Variants in SLC39A11 observed in about 807,000 individuals in gnomAD.
SLC39A11 encodes the protein zinc transporter ZIP11.
A neutral mutation model predicts 36.1 loss-of-function variants in SLC39A11; 33 were observed. The ratio of observed to expected loss-of-function variants is 0.91; its 90% CI spans 0.69 to 1.22. SLC39A11 has a LOEUF of 1.22. SLC39A11 is among the 50% of genes most tolerant of loss of function. The probability of loss-of-function intolerance (pLI) is 0.00; values close to 1 mark genes in which losing one functional copy is unlikely to be tolerated. For missense variants in SLC39A11, 432 were observed against 430.3 expected (o/e 1.00, Z -0.03); for synonymous variants, 166 against 170.3 (o/e 0.97, Z 0.20).
chr17:72,893,443 C>G (rs1205770166), intron 5 of SLC39A11, among the ~76,000 whole-genome samples: 1 of 151,104 alleles, frequency 6.6e-6, no homozygotes, highest in Admixed American at 6.6e-5. Context: ...CTGGGCGACA[C>G]AGCAAGACTG....
At chr17:72,680,646 A>G (rs553697733) in intron 7 of SLC39A11, among the ~76,000 whole-genome samples, 26 of 152,306 alleles carry the variant, frequency 1.7e-4, no homozygotes, top group African/African-American at 5.8e-4. Context: ...AAATTACCCA[A>G]TGTCAGGTAT....
intron 6 of SLC39A11, among the ~76,000 whole-genome samples, chr17:72,817,659 C>T (rs1218560995): frequency 6.6e-6 from 1 of 152,196 alleles, no homozygotes; most frequent in Non-Finnish European, 1.5e-5. Flanking sequence ...TTACACAGTT[C>T]TAATTGTGAA....
chr17:72,665,806 TTC>T (rs945261968), intron 7 of SLC39A11, among the ~76,000 whole-genome samples: 1 of 152,194 alleles, frequency 6.6e-6, no homozygotes, highest in African/African-American at 2.4e-5. Context: ...TCTCTTTCTT[TTC>T]TCTCTCTTCC....
intron 5 of SLC39A11, among the ~76,000 whole-genome samples, chr17:72,857,475 T>C (rs1029783947): frequency 3.3e-5 from 5 of 152,202 alleles, no homozygotes; most frequent in African/African-American, 1.2e-4. Context: ...GTGGAATGCT[T>C]TCTATTCCTT....
intron 4 of SLC39A11, among the ~76,000 whole-genome samples, chr17:72,974,423 T>C (rs1411161449): frequency 1.8e-5 from 2 of 113,098 alleles, no homozygotes; most frequent in Non-Finnish European, 3.9e-5. Context: ...TGTATCTTCA[T>C]TTTGTACCAA....
rs138114262 is a variant in SLC39A11 at position 72,693,819 on chromosome 17, C to T, written c.671+42831G>A. ...CTGGAATTACAGGCGCCCACCACCACGCCTGGCTAATTTTTTGTGTTTTTA... is the reference window on the plus strand; with the variant it reads ...CTGGAATTACAGGCGCCCACCACCATGCCTGGCTAATTTTTTGTGTTTTTA... On this transcript the variant is annotated intron_variant, in intron 7 of 9. Transcript: ENST00000255559. 8.5e-5 allele frequency among the ~76,000 whole-genome samples: 13 copies of T among 152,322 alleles called. No individual in the cohort carries two copies. In the East Asian group the frequency reaches 1.7e-3, roughly 20 times the overall value.
At chr17:72,684,716 T>G (rs533838751) in intron 7 of SLC39A11, among the ~76,000 whole-genome samples, 68 of 152,340 alleles carry the variant, frequency 4.5e-4, no homozygotes, top group African/African-American at 1.6e-3. Context: ...GGTCCCTGAC[T>G]GAGGCTCACT....
intron 6 of SLC39A11, among the ~76,000 whole-genome samples, chr17:72,822,240 CACAT>C (rs1380610554): frequency 1.4e-5 from 2 of 147,988 alleles, no homozygotes; most frequent in Admixed American, 1.4e-4. Context: ...ATACTATACA[CACAT>C]ACTATATATA....
intron 6 of SLC39A11, among the ~76,000 whole-genome samples, chr17:72,842,082 G>GTGTGTA (rs1446653794): frequency 6.6e-6 from 1 of 150,566 alleles, no homozygotes; most frequent in East Asian, 1.9e-4. Context: ...AAAACTATGT[G>GTGTGTA]TGTGTGTGTG....
chr17:72,649,219 C>CA lies in SLC39A11; in HGVS notation c.720dup (p.Val241CysfsTer41), dbSNP rs747980249. Reference sequence around the variant, plus strand: ...CCTGCCCCTCGCAAGGGAAGGCTGACAGCCAGGCCCTCGGGGAAATTCTGG... The same window carrying CA: ...CCTGCCCCTCGCAAGGGAAGGCTGACAAGCCAGGCCCTCGGGGAAATTCTGG... On this transcript the variant is annotated frameshift_variant, in exon 8 of 10. Coordinates refer to ENST00000255559, the MANE Select transcript of SLC39A11 (RefSeq NM_139177.4). LOFTEE classifies it high-confidence loss of function. 9.3e-6 allele frequency: 15 copies of CA among 1,614,128 alleles called. No homozygotes were observed. Among genetic ancestry groups the CA allele is most frequent in the Non-Finnish European group, 1.2e-5 (14 of 1,180,044 alleles).
At chr17:72,922,959 TCAA>T (rs1567959358) in intron 5 of SLC39A11, among the ~76,000 whole-genome samples, 1 of 17,232 alleles carries the variant, frequency 5.8e-5, no homozygotes, top group African/African-American at 4.2e-4. Context: ...GGACTCCTTC[TCAA>T]AAAAAAAAAA....
intron 4 of SLC39A11, among the ~76,000 whole-genome samples, chr17:72,961,768 T>G (rs2086630399): frequency 1.3e-5 from 2 of 151,872 alleles, no homozygotes; most frequent in Admixed American, 6.6e-5. Flanking sequence ...GGGATAATAT[T>G]AAAAGAAATA....
chr17:73,017,663 A>G (rs1426239967), intron 4 of SLC39A11, among the ~76,000 whole-genome samples: 1 of 152,226 alleles, frequency 6.6e-6, no homozygotes, highest in African/African-American at 2.4e-5. Context: ...CGGTGAGCTA[A>G]GATCACGCCA....
intron 4 of SLC39A11, among the ~76,000 whole-genome samples, chr17:72,982,128 T>C (rs1014071503): frequency 6.6e-6 from 1 of 152,176 alleles, no homozygotes; most frequent in South Asian, 2.1e-4. Flanking sequence ...ATACCATTTT[T>C]TACCTATTCC....
intron 6 of SLC39A11, among the ~76,000 whole-genome samples, chr17:72,771,156 A>T (rs2075922381): frequency 6.6e-6 from 1 of 151,882 alleles, no homozygotes; most frequent in Non-Finnish European, 1.5e-5. Context: ...AGGCTGAGGC[A>T]GGCAGATCAC....
At chr17:72,714,261 C>T (rs548868183) in intron 7 of SLC39A11, among the ~76,000 whole-genome samples, 35 of 152,092 alleles carry the variant, frequency 2.3e-4, no homozygotes, top group African/African-American at 7.2e-4. Flanking sequence ...GAGGCTGAGG[C>T]GGGAGGATCG....
chr17:73,017,968 C>T (rs746163538), intron 4 of SLC39A11, among the ~76,000 whole-genome samples: 7 of 152,144 alleles, frequency 4.6e-5, no homozygotes, highest in Non-Finnish European at 7.3e-5. Flanking sequence ...TCATATGGTA[C>T]TAGAAGATAA....
chr17:72,717,886 G>A (rs1009174970), intron 7 of SLC39A11, among the ~76,000 whole-genome samples: 2 of 152,140 alleles, frequency 1.3e-5, no homozygotes, highest in African/African-American at 2.4e-5. Context: ...AGTCATGACC[G>A]CAAGGCCACC....
rs184937676 is a variant in SLC39A11, at chr17:72,785,975, G to A, written c.602-49256C>T. Among the ~76,000 whole-genome samples the A allele has an allele frequency of 1.2e-4, 18 of 152,248 alleles. No individual in the cohort carries two copies. The East Asian group carries it at 3.3e-3, about 28-fold the overall frequency. On this transcript the variant is annotated intron_variant, in intron 6 of 9. Coordinates refer to ENST00000255559, the MANE Select transcript of SLC39A11 (RefSeq NM_139177.4). ...TTGATTGGCCAAGCCCACCCTTCAG[G>A]CTGCTGAGTATTCATTTTCTTCACC...
Sources: allele counts gnomAD v4.1 joint callset (sites outside exome capture counted in the v4.1 genomes callset), GRCh38; gene constraint gnomAD v4.1.1; transcripts MANE v1.5; gene names NCBI Gene and HGNC (gene_info 2026-07-23, HGNC 2026-07-21).